TPX2: variants seen among roughly 807,000 people sequenced by gnomAD.
TPX2 encodes targeting protein for Xklp2.
In TPX2, 21 loss-of-function variants were observed where a neutral mutation model predicts 93.6. That is an observed-to-expected ratio of 0.22 (90% CI 0.16 to 0.32). The LOEUF (loss-of-function observed/expected upper bound fraction) is 0.32. Among genes scored for constraint, TPX2 ranks in the 10% least tolerant of loss-of-function variants. The pLI, the probability that TPX2 is intolerant of heterozygous loss-of-function variation, is 1.00. For missense variants in TPX2, 776 were observed against 871.1 expected, an observed-to-expected ratio of 0.89 and a Z score of 1.37; for synonymous variants, 281 against 298.3, an observed-to-expected ratio of 0.94 and a Z score of 0.60.
chr20:31,750,118 G>A (rs564221992), intron 2 of TPX2, among the ~76,000 whole-genome samples: 2 of 150,470 alleles, frequency 1.3e-5, no homozygotes, highest in South Asian at 2.1e-4. Flanking sequence ...TGTGTTTTTA[G>A]TAGAGACAGG....
intron 5 of TPX2, 113 bp downstream of exon 5, chr20:31,766,795 C>CA: frequency 2.2e-6 from 1 of 450,564 alleles, no homozygotes; most frequent in Non-Finnish European, 3.0e-6. Context: ...CTTTATGTTA[C>CA]TTTTTTTTTT....
At chr20:31,754,654 A>G (rs1238143196) in intron 2 of TPX2, among the ~76,000 whole-genome samples, 2 of 152,080 alleles carry the variant, frequency 1.3e-5, no homozygotes, top group Non-Finnish European at 2.9e-5. Context: ...CAGCAGTTCC[A>G]CCTCTTAAGA....
intron 4 of TPX2, 56 bp downstream of exon 4, chr20:31,760,235 G>C: frequency 1.3e-6 from 2 of 1,599,544 alleles, no homozygotes; most frequent in Non-Finnish European, 1.7e-6. Context: ...CAGTGTTTTA[G>C]AAGCCTGAGG....
At chr20:31,773,143 ATTTTTTTTTTTTTTT>A (rs769516478) in intron 7 of TPX2, among the ~76,000 whole-genome samples, 1 of 102,356 alleles carries the variant, frequency 9.8e-6, no homozygotes, top group Non-Finnish European at 1.9e-5. Flanking sequence ...CACCCGGCTA[ATTTTTTTTTTTTTTT>A]TTTTTTTTTG....
At chr20:31,766,945 G>A (rs185643593) in intron 5 of TPX2, among the ~76,000 whole-genome samples, 222 of 151,608 alleles carry the variant, frequency 1.5e-3, no homozygotes, top group African/African-American at 5.0e-3. Flanking sequence ...GGGATTATAG[G>A]CACCTGCCAC....
chr20:31,774,049 T>A (rs1283115504), intron 7 of TPX2, among the ~76,000 whole-genome samples: 2 of 151,996 alleles, frequency 1.3e-5, no homozygotes, highest in African/African-American at 2.4e-5. Flanking sequence ...TTTTTGTATG[T>A]TTAGTAGAGA....
chr20:31,783,662 T>C (rs1348290517), intron 11 of TPX2, 43 bp from the exon 12 acceptor site: 3 of 1,564,170 alleles, frequency 1.9e-6, no homozygotes, highest in South Asian at 1.2e-5. Context: ...GTTTTCATTT[T>C]ATTAAAATTT....
At chr20:31,797,344 T>G in intron 15 of TPX2, 60 bp from the exon 16 acceptor site, 5 of 1,452,360 alleles carry the variant, frequency 3.4e-6, no homozygotes, top group Non-Finnish European at 4.8e-6. Flanking sequence ...CTTAAGTTAT[T>G]GAGGTAGTGG....
chr20:31,757,718 A>G (rs1032430145), intron 3 of TPX2, 136 bp downstream of exon 3: 1 of 648,904 alleles, frequency 1.5e-6, no homozygotes, highest in Non-Finnish European at 2.6e-6. Flanking sequence ...TCTGTCATCC[A>G]TGATATTATG....
At chr20:31,790,246 T>G (rs970467543) in intron 12 of TPX2, among the ~76,000 whole-genome samples, 4 of 152,198 alleles carry the variant, frequency 2.6e-5, no homozygotes, top group African/African-American at 9.7e-5. Context: ...CTAGCATTCT[T>G]TAGAAAACAT....
At chr20:31,745,806 T>G (rs2122947419) in intron 2 of TPX2, among the ~76,000 whole-genome samples, 1 of 152,344 alleles carries the variant, frequency 6.6e-6, no homozygotes, top group East Asian at 1.9e-4. Flanking sequence ...ATCAGATTAC[T>G]TTGGGTTTCT....
chr20:31,778,539 C>A (rs1406448301), intron 9 of TPX2, among the ~76,000 whole-genome samples: 3 of 152,086 alleles, frequency 2.0e-5, no homozygotes, highest in Non-Finnish European at 4.4e-5. Context: ...ACTCTGGATT[C>A]CTTCAAAACA....
intron 12 of TPX2, among the ~76,000 whole-genome samples, chr20:31,789,401 T>C (rs1244701520): frequency 2.0e-5 from 3 of 152,144 alleles, no homozygotes; most frequent in South Asian, 2.1e-4. Context: ...AAAGATGGTA[T>C]AAGACACGGC....
At chr20:31,782,222 A>G (rs2062037607) in intron 10 of TPX2, 27 bp from the exon 11 acceptor site, 2 of 1,589,824 alleles carry the variant, frequency 1.3e-6, no homozygotes, top group East Asian at 4.5e-5. Context: ...GCGGATCTAG[A>G]TGAACATCTG....
At chr20:31,770,529 T>A in intron 6 of TPX2, 58 bp downstream of exon 6, 4 of 1,402,090 alleles carry the variant, frequency 2.9e-6, no homozygotes, top group Non-Finnish European at 2.8e-6. Context: ...TGTATACCAC[T>A]TGTAAGTTTC....
At chr20:31,763,720 A>G (rs920937073) in intron 4 of TPX2, among the ~76,000 whole-genome samples, 2 of 113,836 alleles carry the variant, frequency 1.8e-5, no homozygotes, top group Non-Finnish European at 3.4e-5. Flanking sequence ...ATTTAAATTT[A>G]ATTTTTTTTT....
intron 4 of TPX2, 134 bp downstream of exon 4, chr20:31,760,313 A>C: frequency 8.4e-7 from 1 of 1,188,576 alleles, no homozygotes; most frequent in Non-Finnish European, 1.2e-6. Context: ...AATTCATTTC[A>C]TGATAAATGT....
intron 10 of TPX2, among the ~76,000 whole-genome samples, chr20:31,779,384 C>G (rs1207605323): frequency 6.6e-6 from 1 of 152,152 alleles, no homozygotes; most frequent in Non-Finnish European, 1.5e-5. Context: ...CTACTACTAA[C>G]CAGGCACACT....
chr20:31,774,551 A>G (rs996179993), intron 7 of TPX2, among the ~76,000 whole-genome samples: 7 of 152,222 alleles, frequency 4.6e-5, no homozygotes, highest in African/African-American at 1.7e-4. Context: ...TTGAACAGTC[A>G]TAAATAGGAT....
Sources: gnomAD v4.1 joint callset for allele counts (sites outside exome capture counted in the v4.1 genomes callset) on GRCh38, gnomAD v4.1.1 for gene constraint, MANE v1.5 for transcripts, NCBI Gene and HGNC (gene_info 2026-07-23, HGNC 2026-07-21) for gene names.